The following CNIH3 variants were observed in gnomAD, a reference collection of about 807,000 sequenced individuals.
CNIH3 encodes protein cornichon homolog 3.
A neutral mutation model predicts 24.1 loss-of-function variants in CNIH3; 14 were observed. That is an observed-to-expected ratio of 0.58 (90% confidence interval 0.38 to 0.91). The LOEUF (loss-of-function observed/expected upper bound fraction) is 0.91, where lower values mean the gene tolerates loss of function less well. Among genes scored for constraint, CNIH3 ranks in the 40% least tolerant of loss-of-function variants. CNIH3 has a pLI of 0.00. For synonymous variants in CNIH3, 68 were observed against 73.8 expected, an observed-to-expected ratio of 0.92 and a Z score of 0.40; for missense variants, 178 against 196.8, an observed-to-expected ratio of 0.90 and a Z score of 0.57.
intron 1 of CNIH3, among the ~76,000 whole-genome samples, chr1:224,629,902 G>A (rs1292319563): frequency 1.3e-5 from 2 of 152,018 alleles, no homozygotes; most frequent in Non-Finnish European, 2.9e-5. Flanking sequence ...GAAACTTCAC[G>A]TCTTATAAGT....
chr1:224,666,656 G>T (rs1457129779), intron 1 of CNIH3, among the ~76,000 whole-genome samples: 2 of 152,170 alleles, frequency 1.3e-5, no homozygotes, highest in East Asian at 3.9e-4. Context: ...GCCAAAGATT[G>T]TCTTTATACA....
intron 3 of CNIH3, among the ~76,000 whole-genome samples, chr1:224,549,135 A>G (rs1395974000): frequency 6.6e-6 from 1 of 152,118 alleles, no homozygotes; most frequent in Non-Finnish European, 1.5e-5. Flanking sequence ...TTTACATCAC[A>G]GTGTGTACAC....
chr1:224,726,720 C>T (rs1261360311), intron 3 of CNIH3, among the ~76,000 whole-genome samples: 1 of 152,156 alleles, frequency 6.6e-6, no homozygotes, highest in African/African-American at 2.4e-5. Flanking sequence ...GAATGAATTG[C>T]AGTCTTTCAG....
chr1:224,521,633 G>A (rs1342064240), intron 2 of CNIH3: 1 of 152,134 alleles, frequency 6.6e-6, no homozygotes, highest in African/African-American at 2.4e-5. Context: ...ATGCTAGCCT[G>A]GAATTGTTGG....
At chr1:224,676,213 G>A (rs1256658082) in intron 1 of CNIH3, among the ~76,000 whole-genome samples, 5 of 152,198 alleles carry the variant, frequency 3.3e-5, no homozygotes, top group Non-Finnish European at 1.5e-5. Context: ...TAAACACATC[G>A]TGTATTTACA....
At chr1:224,662,142 C>T (rs1685391344) in intron 1 of CNIH3, among the ~76,000 whole-genome samples, 1 of 152,050 alleles carries the variant, frequency 6.6e-6, no homozygotes, top group African/African-American at 2.4e-5. Flanking sequence ...TATATTATAA[C>T]CCTTTCTTAA....
chr1:224,590,829 A>T (rs1255918535), downstream of CNIH3, among the ~76,000 whole-genome samples: 1 of 139,592 alleles, frequency 7.2e-6, no homozygotes, highest in Non-Finnish European at 1.5e-5. Flanking sequence ...AACCCACCCA[A>T]GAGATAGATC....
intron 1 of CNIH3, among the ~76,000 whole-genome samples, chr1:224,667,675 T>C (rs1001490196): frequency 6.6e-6 from 1 of 151,748 alleles, no homozygotes; most frequent in African/African-American, 2.4e-5. Flanking sequence ...TCTGAGGGGA[T>C]GTGGGACAGA....
At chr1:224,568,247 G>T (rs185526093) in intron 4 of CNIH3, among the ~76,000 whole-genome samples, 1 of 152,040 alleles carries the variant, frequency 6.6e-6, no homozygotes, top group African/African-American at 2.4e-5. Context: ...CCGAGATCAC[G>T]TCACTGCACT....
chr1:224,519,305 C>T, intron 1 of CNIH3, among the ~76,000 whole-genome samples: 1 of 152,080 alleles, frequency 6.6e-6, no homozygotes, highest in Non-Finnish European at 1.5e-5. Context: ...CTTTTTCTGC[C>T]TGACTGCTTG....
chr1:224,503,047 G>T (rs1162070086), intron 1 of CNIH3, among the ~76,000 whole-genome samples: 2 of 151,818 alleles, frequency 1.3e-5, no homozygotes, highest in Non-Finnish European at 2.9e-5. Context: ...GGGGAGGGAG[G>T]GAGGGAGGGA....
intron 3 of CNIH3, among the ~76,000 whole-genome samples, chr1:224,594,924 C>T (rs1681915239): frequency 6.6e-6 from 1 of 152,200 alleles, no homozygotes; most frequent in South Asian, 2.1e-4. Context: ...CTGCACTTTG[C>T]TTTATTGTGC....
chr1:224,575,460 A>G lies in CNIH3; in HGVS notation n.517-7704A>G, dbSNP rs970875028. ...CTGTCTCATTTTTTTTTTTCCTTGC[A>G]AAGGTAGTATGGCCTGTGTCACTCA... is the stretch of plus-strand genomic sequence containing the variant. On this transcript the variant is annotated intron_variant and non_coding_transcript_variant, in intron 4 of 5. Transcript: ENST00000471578. The G allele has an allele frequency of 9.9e-6, 7 of 708,348 alleles. No homozygotes were observed. In the Admixed American group the frequency reaches 1.2e-4, roughly 12 times the overall value. 43.9% of individuals were successfully genotyped at this position (708,348 alleles called of 1,614,324 possible). A position where few individuals can be genotyped will look rare whatever the true frequency, so the allele number is the denominator to read the frequency against.
intron 3 of CNIH3, among the ~76,000 whole-genome samples, chr1:224,723,196 G>A (rs903110926): frequency 1.1e-4 from 16 of 152,200 alleles, no homozygotes; most frequent in East Asian, 9.6e-4. Context: ...TGCAGTCCAC[G>A]AAGGCAGTGT....
At chr1:224,707,143 T>C (rs1195548399) in intron 3 of CNIH3, among the ~76,000 whole-genome samples, 1 of 151,942 alleles carries the variant, frequency 6.6e-6, no homozygotes, top group Admixed American at 6.6e-5. Context: ...TTTGTATTTT[T>C]AGTAGACATG....
chr1:224,447,989 A>G (rs1032739949), intron 1 of CNIH3, among the ~76,000 whole-genome samples: 7 of 152,190 alleles, frequency 4.6e-5, no homozygotes, highest in Non-Finnish European at 8.8e-5. Context: ...CAGGATTCCA[A>G]CCTAAGCTGG....
At chr1:224,727,842 T>A (rs965205582) in intron 3 of CNIH3, among the ~76,000 whole-genome samples, 1 of 152,122 alleles carries the variant, frequency 6.6e-6, no homozygotes, top group Non-Finnish European at 1.5e-5. Context: ...GTTCTAGGCA[T>A]AAGAGGTCAT....
At chr1:224,702,818 C>T (rs1965776) in intron 3 of CNIH3, among the ~76,000 whole-genome samples, 72,600 of 151,964 alleles carry the variant, frequency 0.48, 18,691 homozygotes, top group Middle Eastern at 0.64. Flanking sequence ...ACACCAAGAT[C>T]CTAACTTCTC....
At chr1:224,634,587 A>G (rs1034496696) in intron 1 of CNIH3, among the ~76,000 whole-genome samples, 10 of 150,410 alleles carry the variant, frequency 6.6e-5, no homozygotes, top group East Asian at 1.9e-4. Flanking sequence ...AAAAAAAATA[A>G]AAAAAAAAAG....
Sources: allele counts gnomAD v4.1 joint callset (sites outside exome capture counted in the v4.1 genomes callset), GRCh38; gene constraint gnomAD v4.1.1; transcripts MANE v1.5; gene names NCBI Gene and HGNC (gene_info 2026-07-23, HGNC 2026-07-21).